Variants in LRP1B observed in about 807,000 individuals in gnomAD.
The protein encoded by LRP1B is LDL receptor related protein 1B, also known as low-density lipoprotein receptor-related protein 1B.
Under a neutral mutation model 556.6 loss-of-function variants are expected in LRP1B, and 217 were observed. The observed-to-expected ratio is 0.39, with a 90% CI of 0.35 to 0.44. The LOEUF (loss-of-function observed/expected upper bound fraction) is 0.44, where lower values mean the gene tolerates loss of function less well. Ranked by LOEUF, LRP1B falls within the 20% of genes least tolerant of loss-of-function variation. The pLI is 1.00. For synonymous variants in LRP1B, 2,047 were observed against 1,865.8 expected (o/e 1.10, Z -2.50); for missense variants, 5,053 against 5,620.8 (o/e 0.90, Z 3.23).
chr2:140,240,196 C>G (rs1234103386), intron 87 of LRP1B, among the ~76,000 whole-genome samples: 1 of 147,018 alleles, frequency 6.8e-6, no homozygotes, highest in Non-Finnish European at 1.5e-5. Context: ...TGAAGAGGTT[C>G]TCTTTCTCAT....
rs533212153 is a variant in LRP1B at position 140,924,439 on chromosome 2, C to T, written c.3137-1292G>A. 8.6e-5 allele frequency among the ~76,000 whole-genome samples: 13 copies of T among 151,992 alleles called. No homozygotes were observed. In the South Asian group the frequency reaches 2.7e-3, roughly 32 times the overall value. ...TTTTTCTTTATTTAAAGACGTTCAG[C>T]AATTATAATCTGTCAGGTGATACAA... On this transcript the variant is annotated intron_variant, in intron 20 of 90. Transcript: ENST00000389484.
intron 20 of LRP1B, among the ~76,000 whole-genome samples, chr2:140,942,795 C>T (rs563762271): frequency 6.6e-6 from 1 of 152,108 alleles, no homozygotes; most frequent in African/African-American, 2.4e-5. Flanking sequence ...GAGTTCTAAA[C>T]ATGAAAATAA....
chr2:140,265,722 C>T (rs746233154), intron 86 of LRP1B, among the ~76,000 whole-genome samples: 1 of 151,966 alleles, frequency 6.6e-6, no homozygotes, highest in Non-Finnish European at 1.5e-5. Flanking sequence ...ATAGTACATA[C>T]TTACTTTTCA....
intron 72 of LRP1B, among the ~76,000 whole-genome samples, chr2:140,360,609 C>T (rs1682460853): frequency 6.6e-6 from 1 of 151,538 alleles, no homozygotes; most frequent in South Asian, 2.1e-4. Context: ...TAGCACATTC[C>T]AGCATAGTCT....
intron 1 of LRP1B, among the ~76,000 whole-genome samples, chr2:142,068,377 C>T (rs1253658647): frequency 1.3e-5 from 2 of 151,388 alleles, no homozygotes; most frequent in Non-Finnish European, 3.0e-5. Context: ...CATAAAGTAA[C>T]AAATAGGAGG....
At chr2:140,557,381 G>T (rs1489753406) in intron 43 of LRP1B, among the ~76,000 whole-genome samples, 1 of 152,034 alleles carries the variant, frequency 6.6e-6, no homozygotes, top group Non-Finnish European at 1.5e-5. Flanking sequence ...TTCTTCATTA[G>T]AATGCTATTA....
chr2:140,657,317 A>G (rs1042359567), intron 41 of LRP1B, among the ~76,000 whole-genome samples: 1 of 152,004 alleles, frequency 6.6e-6, no homozygotes, highest in Non-Finnish European at 1.5e-5. Context: ...GAAAATCATT[A>G]TAACTGCCCT....
chr2:141,756,759 A>T (rs987109173), intron 2 of LRP1B, among the ~76,000 whole-genome samples: 3 of 152,122 alleles, frequency 2.0e-5, no homozygotes, highest in African/African-American at 7.2e-5. Context: ...CATGCTGTCT[A>T]GGTTCATACC....
chr2:142,035,238 C>T (rs1006832376), intron 1 of LRP1B, among the ~76,000 whole-genome samples: 1 of 151,640 alleles, frequency 6.6e-6, no homozygotes, highest in African/African-American at 2.4e-5. Flanking sequence ...ACAGGACACC[C>T]TTAAGAACTT....
chr2:140,514,889 A>G lies in LRP1B; in HGVS notation c.8150-117T>C, dbSNP rs548209441. The G allele has an allele frequency of 4.2e-6, 4 of 952,272 alleles. No individual in the cohort carries two copies. The South Asian group carries it at 7.8e-5, about 18-fold the overall frequency. 59.0% of individuals were successfully genotyped at this position (952,272 alleles called of 1,614,324 possible). A position where few individuals can be genotyped will look rare whatever the true frequency, so the allele number is the denominator to read the frequency against. On this transcript the variant is annotated intron_variant, in intron 50 of 90. Coordinates refer to ENST00000389484, the MANE Select transcript of LRP1B (RefSeq NM_018557.3). ...AAATCAACAATCCTATAATAAAAGAAGCCAACTTCTTCTTTTCTATGACAA... is the reference window on the plus strand; with the variant it reads ...AAATCAACAATCCTATAATAAAAGAGGCCAACTTCTTCTTTTCTATGACAA...
intron 41 of LRP1B, among the ~76,000 whole-genome samples, chr2:140,654,947 C>T (rs1216121631): frequency 6.6e-6 from 1 of 151,974 alleles, no homozygotes; most frequent in Non-Finnish European, 1.5e-5. Context: ...CAAATGATAT[C>T]ATTAAATAAG....
intron 3 of LRP1B, among the ~76,000 whole-genome samples, chr2:141,373,229 T>G (rs992598565): frequency 1.2e-4 from 19 of 152,192 alleles, no homozygotes; most frequent in Middle Eastern, 3.4e-3. Context: ...GTGATTTCAA[T>G]TTTTACAAAT....
At chr2:140,997,626 C>T (rs970050223) in intron 15 of LRP1B, among the ~76,000 whole-genome samples, 1 of 151,576 alleles carries the variant, frequency 6.6e-6, no homozygotes, top group Non-Finnish European at 1.5e-5. Context: ...TAGCATTTGT[C>T]CTGGAACAAA....
intron 7 of LRP1B, among the ~76,000 whole-genome samples, chr2:141,165,217 GA>G (rs1428779673): frequency 6.6e-6 from 1 of 151,964 alleles, no homozygotes; most frequent in East Asian, 1.9e-4. Flanking sequence ...AGAAACTTCA[GA>G]AATCATCAGC....
At chr2:141,368,026 A>G (rs1689107592) in intron 3 of LRP1B, among the ~76,000 whole-genome samples, 2 of 152,194 alleles carry the variant, frequency 1.3e-5, no homozygotes, top group African/African-American at 4.8e-5. Flanking sequence ...GCCATTAAAT[A>G]TTGACTTTTT....
chr2:140,430,479 G>T (rs1409724637), intron 66 of LRP1B, among the ~76,000 whole-genome samples: 1 of 152,144 alleles, frequency 6.6e-6, no homozygotes, highest in Non-Finnish European at 1.5e-5. Flanking sequence ...CCATCAAAAG[G>T]TGTCAGATCC....
intron 41 of LRP1B, 52 bp from the exon 42 acceptor site, chr2:140,601,691 A>G: frequency 2.3e-6 from 3 of 1,314,786 alleles, no homozygotes; most frequent in Non-Finnish European, 1.0e-6. Context: ...CAAAAAAATG[A>G]CTTCTGGACA....
intron 51 of LRP1B, among the ~76,000 whole-genome samples, chr2:140,511,946 T>C (rs1008238377): frequency 6.6e-6 from 1 of 152,200 alleles, no homozygotes; most frequent in Admixed American, 6.5e-5. Flanking sequence ...TAAAGTGTCC[T>C]TTTTATTATT....
At chr2:141,208,944 C>A (rs1021517327) in intron 6 of LRP1B, among the ~76,000 whole-genome samples, 1 of 143,382 alleles carries the variant, frequency 7.0e-6, no homozygotes, top group Admixed American at 7.0e-5. Context: ...AATCTGAAGG[C>A]CTTCTCCCTG....
Sources: allele counts gnomAD v4.1 joint callset (sites outside exome capture counted in the v4.1 genomes callset), GRCh38; gene constraint gnomAD v4.1.1; transcripts MANE v1.5; gene names NCBI Gene and HGNC (gene_info 2026-07-23, HGNC 2026-07-21).